FAM135A: variants seen among roughly 807,000 people sequenced by gnomAD.
FAM135A encodes family with sequence similarity 135 member A.
In FAM135A, 79 loss-of-function variants were observed where a neutral mutation model predicts 146.8. The observed-to-expected ratio is 0.54, with a 90% confidence interval of 0.45 to 0.65. The LOEUF (loss-of-function observed/expected upper bound fraction) is 0.65, where lower values mean the gene tolerates loss of function less well. FAM135A is among the 30% of genes least tolerant of loss of function. The pLI is 0.00. For synonymous variants in FAM135A, 562 were observed against 603.6 expected (o/e 0.93, Z 1.01); for missense variants, 1,623 against 1,758.2 (o/e 0.92, Z 1.38).
chr6:70,533,329 T>C (rs1049410258), intron 17 of FAM135A, 78 bp downstream of exon 17: 12 of 928,750 alleles, frequency 1.3e-5, no homozygotes, highest in Non-Finnish European at 2.0e-5. Context: ...TACTACAAAA[T>C]GCCTGTAATA....
chr6:70,417,467 C>T, intron 2 of FAM135A: 1 of 336,846 alleles, frequency 3.0e-6, no homozygotes, highest in Non-Finnish European at 4.2e-6. Context: ...CCCGCCTCAG[C>T]CACCCAAAGT....
At chr6:70,461,529 G>A (rs1779444265) in intron 5 of FAM135A, among the ~76,000 whole-genome samples, 1 of 152,094 alleles carries the variant, frequency 6.6e-6, no homozygotes, top group South Asian at 2.1e-4. Context: ...GTAATGAAGT[G>A]CATAGGATAA....
intron 20 of FAM135A, among the ~76,000 whole-genome samples, chr6:70,549,609 A>G (rs1249249820): frequency 6.6e-6 from 1 of 152,140 alleles, no homozygotes; most frequent in African/African-American, 2.4e-5. Context: ...ATAGCATTAT[A>G]TCTAAAAAAA....
intron 5 of FAM135A, among the ~76,000 whole-genome samples, chr6:70,453,925 C>T (rs979296948): frequency 6.6e-6 from 1 of 152,144 alleles, no homozygotes; most frequent in African/African-American, 2.4e-5. Context: ...TGGGTATATA[C>T]CCAGTAATGA....
intron 7 of FAM135A, among the ~76,000 whole-genome samples, chr6:70,476,258 C>T (rs1057475680): frequency 3.9e-5 from 6 of 152,158 alleles, no homozygotes; most frequent in African/African-American, 1.4e-4. Flanking sequence ...ACAAATTTTG[C>T]TTGTGTTCAT....
At chr6:70,543,769 C>A (rs6942012) in intron 20 of FAM135A, among the ~76,000 whole-genome samples, 40,327 of 152,034 alleles carry the variant, frequency 0.27, 6,800 homozygotes, top group African/African-American at 0.48. Flanking sequence ...TACAAAGTAA[C>A]ATTTAATTAG....
In FAM135A at chr6:70,526,208, T is replaced by C. The variant is rs764207666; in HGVS notation, c.3124T>C (p.Tyr1042His). 3 of 1,613,408 alleles carry C rather than the reference T, an allele frequency of 1.9e-6. No individual in the cohort carries two copies. In the East Asian group the frequency reaches 6.7e-5, roughly 36 times the overall value. ...DIVKQGLVEN[Y>H]FGSQSSTDIS... ...AGTAAAGCAAGGGCTTGTGGAAAAT[T>C]ATTTTGGTTCTCAAAGCAGTACGGA... Residue 1042 changes from tyrosine to histidine, a missense_variant, in exon 15 of 22, where the codon TAT (tyrosine) becomes CAT (histidine). Tyr to His is a moderately conservative substitution (Grantham distance 83). This residue lies in a region of FAM135A where 1,061 missense variants were observed against 1,113.8 expected (regional missense o/e 0.95). Transcript: ENST00000418814.
intron 4 of FAM135A, among the ~76,000 whole-genome samples, chr6:70,435,649 A>G (rs990364404): frequency 1.5e-4 from 23 of 152,002 alleles, no homozygotes; most frequent in African/African-American, 5.6e-4. Flanking sequence ...CCTCCTGAGT[A>G]GCTGGGATTA....
At chr6:70,510,115 A>G (rs1439338803) in intron 12 of FAM135A, among the ~76,000 whole-genome samples, 1 of 152,100 alleles carries the variant, frequency 6.6e-6, no homozygotes, top group African/African-American at 2.4e-5. Context: ...ACTGTAGAAC[A>G]CTAAGTATGC....
intron 20 of FAM135A, among the ~76,000 whole-genome samples, chr6:70,540,112 A>G (rs1452862970): frequency 2.0e-5 from 3 of 152,128 alleles, no homozygotes; most frequent in Non-Finnish European, 4.4e-5. Flanking sequence ...TGATGAGTCA[A>G]CCCTTTAGAT....
At chr6:70,447,195 T>C (rs1216937716) in intron 4 of FAM135A, among the ~76,000 whole-genome samples, 1 of 152,244 alleles carries the variant, frequency 6.6e-6, no homozygotes, top group Admixed American at 6.5e-5. Flanking sequence ...TTCACAGGTA[T>C]GACGTTTATC....
chr6:70,559,944 G>A lies in FAM135A; in HGVS notation c.*23G>A. 1 of 1,553,394 alleles carries A rather than the reference G, an allele frequency of 6.4e-7. No individual in the cohort carries two copies. The highest frequency in any genetic ancestry group is 1.1e-5 in the South Asian group (1 of 88,464). On this transcript the variant is annotated 3_prime_UTR_variant, in exon 22 of 22. Coordinates refer to ENST00000418814, the MANE Select transcript of FAM135A (RefSeq NM_001162529.3). ...TAGTATAAAAGCATTGTTAGCGACT[G>A]GACAATTACCTCATTCAACAATGTT...
At chr6:70,473,787 T>G (rs1375136966) in intron 5 of FAM135A, among the ~76,000 whole-genome samples, 2 of 152,126 alleles carry the variant, frequency 1.3e-5, no homozygotes, top group Non-Finnish European at 2.9e-5. Flanking sequence ...CAGTAGTGTG[T>G]CAAGCTGCTG....
Position 70,526,977 on chromosome 6 carries a change from A to G in FAM135A, c.3614+279A>G, listed in dbSNP as rs528402897. Among the ~76,000 whole-genome samples, 4 of 152,134 alleles carry G rather than the reference A, an allele frequency of 2.6e-5. No homozygotes were observed. In the East Asian group the frequency reaches 5.8e-4, roughly 22 times the overall value. On this transcript the variant is annotated intron_variant, in intron 15 of 21. Coordinates refer to ENST00000418814, the MANE Select transcript of FAM135A (RefSeq NM_001162529.3). Reference sequence around the variant, plus strand: ...AATGATCGTGCTGTTCTGCTGTTCTATAGGATAGACATTCCTGATACAGAT... The same window carrying G: ...AATGATCGTGCTGTTCTGCTGTTCTGTAGGATAGACATTCCTGATACAGAT...
intron 13 of FAM135A, among the ~76,000 whole-genome samples, chr6:70,523,221 G>C (rs1793988940): frequency 6.6e-6 from 1 of 152,082 alleles, no homozygotes; most frequent in Non-Finnish European, 1.5e-5. Flanking sequence ...GAAGACATGA[G>C]GGAACCATCT....
At chr6:70,434,603 G>A (rs895165564) in intron 4 of FAM135A, among the ~76,000 whole-genome samples, 3 of 152,170 alleles carry the variant, frequency 2.0e-5, no homozygotes, top group African/African-American at 7.2e-5. Context: ...ACCCGTCTGT[G>A]TACCATATTT....
chr6:70,484,877 G>T (rs1340279933), intron 10 of FAM135A, among the ~76,000 whole-genome samples: 1 of 152,162 alleles, frequency 6.6e-6, no homozygotes, highest in African/African-American at 2.4e-5. Context: ...GCATGATCAT[G>T]TATTCATAAG....
intron 4 of FAM135A, among the ~76,000 whole-genome samples, chr6:70,435,036 A>G (rs1195263698): frequency 6.7e-6 from 1 of 149,912 alleles, no homozygotes; most frequent in East Asian, 1.9e-4. Flanking sequence ...GAAAGTAAGG[A>G]TATAGATTTA....
At chr6:70,507,518 A>G (rs1346421856) in intron 12 of FAM135A, among the ~76,000 whole-genome samples, 3 of 152,176 alleles carry the variant, frequency 2.0e-5, no homozygotes, top group Non-Finnish European at 4.4e-5. Context: ...TTGGTGTGAA[A>G]GCAAATTGTG....
Sources: gnomAD v4.1 joint callset for allele counts (sites outside exome capture counted in the v4.1 genomes callset) on GRCh38, gnomAD v4.1.1 for gene constraint, gnomAD v4.1.1 regional missense constraint, MANE v1.5 for transcripts, NCBI Gene and HGNC (gene_info 2026-07-23, HGNC 2026-07-21) for gene names.